The following FAM178B variants were observed in gnomAD, a reference collection of about 807,000 sequenced individuals.
FAM178B encodes the protein protein FAM178B.
In FAM178B, 82 loss-of-function variants were observed where a neutral mutation model predicts 91.7. The observed-to-expected ratio is 0.89, with a 90% CI of 0.75 to 1.07. The LOEUF is 1.07. Among genes scored for constraint, FAM178B ranks in the 50% least tolerant of loss-of-function variants. FAM178B has a pLI of 0.00. For missense variants in FAM178B, 769 were observed against 846.7 expected, an observed-to-expected ratio of 0.91 and a Z score of 1.14; for synonymous variants, 368 against 359.4, an observed-to-expected ratio of 1.02 and a Z score of -0.27.
intron 12 of FAM178B, 145 bp downstream of exon 12, chr2:96,921,020 G>A (rs2081328537): frequency 1.5e-6 from 1 of 647,058 alleles, no homozygotes; most frequent in African/African-American, 1.8e-5. Flanking sequence ...ACTCATTAGT[G>A]AGTTATATTT....
chr2:96,904,890 A>G (rs2081002599), intron 12 of FAM178B, among the ~76,000 whole-genome samples: 1 of 151,910 alleles, frequency 6.6e-6, no homozygotes, highest in Admixed American at 6.6e-5. Flanking sequence ...CAGCCTCCCA[A>G]GTAGCTGGGA....
intron 8 of FAM178B, among the ~76,000 whole-genome samples, chr2:96,936,084 G>C (rs770281086): frequency 1.3e-5 from 2 of 152,088 alleles, no homozygotes; most frequent in Non-Finnish European, 2.9e-5. Context: ...AGTGGAGAAT[G>C]AGTATACAGA....
chr2:96,878,023 C>T lies in FAM178B; in HGVS notation c.1874G>A (p.Cys625Tyr), dbSNP rs2080289265. The change falls in exon 16 of 17, where the codon TGC becomes TAC. Residue 625 changes from cysteine (C) to tyrosine (Y), a missense_variant. Coordinates refer to ENST00000490605, the MANE Select transcript of FAM178B (RefSeq NM_001122646.3). ...GCTGATGTGGCGGTCCAACTGCATG[C>T]ACAGCAGCTGCAGCTCGCCCTGTGG... is the stretch of plus-strand genomic sequence containing the variant. Reference protein sequence around the residue: ...PDQWGELQLLCMQLDRHISTQ... With the variant: ...PDQWGELQLLYMQLDRHISTQ... The T allele has an allele frequency of 6.2e-7, 1 of 1,611,202 alleles. No homozygotes were observed. Among genetic ancestry groups the T allele is most frequent in the Non-Finnish European group, 8.5e-7 (1 of 1,180,008 alleles).
At chr2:96,982,451 T>C (rs557095661) in intron 1 of FAM178B, among the ~76,000 whole-genome samples, 1 of 151,980 alleles carries the variant, frequency 6.6e-6, no homozygotes, top group Non-Finnish European at 1.5e-5. Flanking sequence ...TTTGTAGAGA[T>C]GGAGTTTCAC....
intron 12 of FAM178B, among the ~76,000 whole-genome samples, chr2:96,919,806 T>C (rs2081302654): frequency 6.6e-6 from 1 of 152,158 alleles, no homozygotes; most frequent in Non-Finnish European, 1.5e-5. Flanking sequence ...CTCCCAACTG[T>C]GCACAGGCTG....
intron 8 of FAM178B, among the ~76,000 whole-genome samples, chr2:96,930,155 C>A (rs970407317): frequency 3.0e-5 from 4 of 135,320 alleles, no homozygotes; most frequent in African/African-American, 1.1e-4. Context: ...TGACATAGAG[C>A]CACTGCACTC....
chr2:96,983,447 T>C (rs560329865), intron 1 of FAM178B, among the ~76,000 whole-genome samples: 1 of 152,234 alleles, frequency 6.6e-6, no homozygotes, highest in South Asian at 2.1e-4. Flanking sequence ...ATATATATTT[T>C]TGAGACATAG....
intron 14 of FAM178B, among the ~76,000 whole-genome samples, chr2:96,879,565 A>G (rs2080328797): frequency 6.6e-6 from 1 of 152,208 alleles, no homozygotes; most frequent in Non-Finnish European, 1.5e-5. Flanking sequence ...TTAAACCCAA[A>G]TACCGCAGTG....
chr2:96,882,436 C>T (rs890947714), intron 14 of FAM178B, among the ~76,000 whole-genome samples: 1 of 152,176 alleles, frequency 6.6e-6, no homozygotes, highest in African/African-American at 2.4e-5. Flanking sequence ...CAGGGGTGGG[C>T]GAGTGAGGGG....
chr2:96,950,801 C>T (rs1005965920), intron 7 of FAM178B, among the ~76,000 whole-genome samples: 10 of 152,198 alleles, frequency 6.6e-5, no homozygotes, highest in East Asian at 1.9e-4. Context: ...CCAGAGCAGC[C>T]GTTCCAGGTT....
At chr2:96,941,522 C>T (rs563474791) in intron 8 of FAM178B, among the ~76,000 whole-genome samples, 7 of 152,234 alleles carry the variant, frequency 4.6e-5, no homozygotes, top group South Asian at 2.1e-4. Context: ...GGCCAGAGCT[C>T]GAGGAGAACA....
At chr2:96,950,663 G>T (rs150536178) in intron 7 of FAM178B, among the ~76,000 whole-genome samples, 160 of 152,266 alleles carry the variant, frequency 1.1e-3, no homozygotes, top group African/African-American at 3.6e-3. Flanking sequence ...AGATCACAGC[G>T]GTTGGCTCCT....
intron 14 of FAM178B, among the ~76,000 whole-genome samples, chr2:96,884,860 G>A (rs1424017471): frequency 6.6e-6 from 1 of 152,260 alleles, no homozygotes; most frequent in Non-Finnish European, 1.5e-5. Flanking sequence ...GACTTGGGAA[G>A]TGACTCTGAC....
At chr2:96,963,740 C>T (rs1002670237) in intron 5 of FAM178B, among the ~76,000 whole-genome samples, 12 of 152,344 alleles carry the variant, frequency 7.9e-5, no homozygotes, top group Admixed American at 3.3e-4. Context: ...CACAGCCATG[C>T]GCCTTCATTC....
chr2:96,930,210 C>CAAAAAAAAAAAAAAAAAAAAAA (rs60102987), intron 8 of FAM178B, among the ~76,000 whole-genome samples: 1 of 39,460 alleles, frequency 2.5e-5, no homozygotes, highest in African/African-American at 1.4e-4. Context: ...TCCGTCTCTC[C>CAAAAAAAAAAAAAAAAAAAAAA]AAAAAAAAAA....
At chr2:96,960,554 C>T (rs2082065383) in intron 5 of FAM178B, 114 bp from the exon 6 acceptor site, 3 of 1,286,592 alleles carry the variant, frequency 2.3e-6, no homozygotes, top group South Asian at 1.6e-5. Context: ...GCCTTGCAGT[C>T]CTTGCGGCAA....
At chr2:96,928,167 A>G (rs2081477843) in intron 9 of FAM178B, among the ~76,000 whole-genome samples, 1 of 152,070 alleles carries the variant, frequency 6.6e-6, no homozygotes, top group Non-Finnish European at 1.5e-5. Flanking sequence ...GAGGCGAGGG[A>G]AGGGGGGCCT....
rs1574165006 is a variant in FAM178B, at chr2:96,876,191, C to G, written c.*85G>C. ...TGGTCAGCATGTGGCCTCCTCTGGC[C>G]TTGATGCTTCGCTTCCTCCAGTTCC... On this transcript the variant is annotated 3_prime_UTR_variant, in exon 17 of 17. Transcript: ENST00000490605. The G allele has an allele frequency of 4.8e-6, 7 of 1,445,816 alleles. No homozygotes were observed. In the East Asian group the frequency reaches 9.5e-5, roughly 20 times the overall value. The allele number at this position is 1,445,816 out of a possible 1,614,324, so 89.6% of individuals were successfully genotyped here. A position where few individuals can be genotyped will look rare whatever the true frequency, so the allele number is the denominator to read the frequency against.
chr2:96,909,256 C>G (rs2081110218), intron 12 of FAM178B, among the ~76,000 whole-genome samples: 1 of 152,142 alleles, frequency 6.6e-6, no homozygotes, highest in African/African-American at 2.4e-5. Context: ...AATAAGTGTT[C>G]ACTTCAGCAA....
Sources: allele counts gnomAD v4.1 joint callset (sites outside exome capture counted in the v4.1 genomes callset), GRCh38; gene constraint gnomAD v4.1.1; transcripts MANE v1.5; gene names NCBI Gene and HGNC (gene_info 2026-07-23, HGNC 2026-07-21).